The following SHROOM3 variants were observed in gnomAD, a reference collection of about 807,000 sequenced individuals.
SHROOM3 encodes protein Shroom3.
Under a neutral mutation model 138.6 loss-of-function variants are expected in SHROOM3, and 47 were observed. The observed-to-expected ratio is 0.34, with a 90% CI of 0.27 to 0.43. The LOEUF (loss-of-function observed/expected upper bound fraction) is 0.43, where lower values mean the gene tolerates loss of function less well. Ranked by LOEUF, SHROOM3 falls within the 20% of genes least tolerant of loss-of-function variation. The pLI is 1.00. For missense variants in SHROOM3, 2,491 were observed against 2,596.5 expected, an observed-to-expected ratio of 0.96 and a Z score of 0.88; for synonymous variants, 1,062 against 1,063.3, an observed-to-expected ratio of 1.00 and a Z score of 0.02.
chr4:76,567,565 G>A (rs539096955), intron 2 of SHROOM3, among the ~76,000 whole-genome samples: 1 of 152,290 alleles, frequency 6.6e-6, no homozygotes, highest in East Asian at 1.9e-4. Flanking sequence ...CAGGAGAATG[G>A]CGTGAACCCG....
intron 3 of SHROOM3, among the ~76,000 whole-genome samples, chr4:76,730,453 C>T (rs1720839110): frequency 6.6e-6 from 1 of 152,066 alleles, no homozygotes; most frequent in Non-Finnish European, 1.5e-5. Flanking sequence ...AGATAGAGAC[C>T]AAGAAAGACC....
intron 2 of SHROOM3, among the ~76,000 whole-genome samples, chr4:76,642,042 G>T (rs1348635843): frequency 6.6e-6 from 1 of 152,096 alleles, no homozygotes; most frequent in African/African-American, 2.4e-5. Context: ...CAGGAAAGAT[G>T]AGACACACAC....
At chr4:76,633,431 C>T (rs540669085) in intron 2 of SHROOM3, among the ~76,000 whole-genome samples, 15 of 151,252 alleles carry the variant, frequency 9.9e-5, no homozygotes, top group African/African-American at 1.9e-4. Flanking sequence ...CCAAGGCAGG[C>T]GGATCACGAG....
At chr4:76,609,063 C>A (rs539976695) in intron 2 of SHROOM3, among the ~76,000 whole-genome samples, 1 of 152,216 alleles carries the variant, frequency 6.6e-6, no homozygotes, top group South Asian at 2.1e-4. Flanking sequence ...GTGTTAATAT[C>A]CAGAATATTT....
chr4:76,507,834 A>G (rs1445989737), intron 1 of SHROOM3, among the ~76,000 whole-genome samples: 2 of 152,144 alleles, frequency 1.3e-5, no homozygotes, highest in African/African-American at 4.8e-5. Context: ...GTGAGCCACC[A>G]TGCCTGGCCG....
intron 1 of SHROOM3, among the ~76,000 whole-genome samples, chr4:76,523,573 T>C (rs1333975560): frequency 6.6e-6 from 1 of 152,112 alleles, no homozygotes; most frequent in African/African-American, 2.4e-5. Flanking sequence ...AAATTAAAAT[T>C]TGGGGAAAAT....
At chr4:76,614,935 T>C (rs1734841515) in intron 2 of SHROOM3, among the ~76,000 whole-genome samples, 1 of 152,204 alleles carries the variant, frequency 6.6e-6, no homozygotes, top group Non-Finnish European at 1.5e-5. Context: ...GATGGTTTTC[T>C]ACAATAGGCC....
chr4:76,528,410 TG>T (rs1732748400), intron 1 of SHROOM3, among the ~76,000 whole-genome samples: 1 of 150,832 alleles, frequency 6.6e-6, no homozygotes, highest in Non-Finnish European at 1.5e-5. Flanking sequence ...CTTGAACTCT[TG>T]GGCTCAAGCA....
At chr4:76,713,576 G>A (rs957778855) in intron 3 of SHROOM3, among the ~76,000 whole-genome samples, 2 of 152,046 alleles carry the variant, frequency 1.3e-5, no homozygotes, top group Non-Finnish European at 2.9e-5. Flanking sequence ...TTTAATAAGT[G>A]GGAATACAGA....
chr4:76,445,431 G>C (rs555500736), intron 1 of SHROOM3, among the ~76,000 whole-genome samples: 3 of 152,308 alleles, frequency 2.0e-5, no homozygotes, highest in East Asian at 3.9e-4. Flanking sequence ...GTGTCTGTGA[G>C]GTAGAGGTAT....
intron 2 of SHROOM3, among the ~76,000 whole-genome samples, chr4:76,606,580 G>A (rs909480592): frequency 3.9e-5 from 6 of 152,000 alleles, no homozygotes; most frequent in Non-Finnish European, 8.8e-5. Context: ...GCAGGTGCCT[G>A]TAATCTCAGC....
At chr4:76,774,929 T>G (rs1432541543) in intron 10 of SHROOM3, among the ~76,000 whole-genome samples, 1 of 152,116 alleles carries the variant, frequency 6.6e-6, no homozygotes, top group Non-Finnish European at 1.5e-5. Flanking sequence ...TATTTCTTGA[T>G]TGATTTTCAT....
chr4:76,474,134 G>A (rs900538074), intron 1 of SHROOM3, among the ~76,000 whole-genome samples: 1 of 152,186 alleles, frequency 6.6e-6, no homozygotes. Flanking sequence ...ACTGATTCAT[G>A]CTACAGCACA....
At position 76,741,110 on chromosome 4, in the gene SHROOM3, G is replaced by A. The variant is rs1721237306; in HGVS notation, c.2937G>A (p.Pro979=). The A allele has an allele frequency of 1.3e-6, 2 of 1,548,736 alleles. No homozygotes were observed. Among genetic ancestry groups the A allele is most frequent in the African/African-American group, 1.4e-5 (1 of 72,972 alleles). ...CCGAGGCGTCGGCCTCCGCCTCCCC[G>A]CACACGCCCCGGGAGCGGCACAGCG... The part of the protein sequence containing the change: ...RSPEASASAS[P]HTPRERHSVT... The change falls in exon 5 of 11, where the codon CCG becomes CCA. Residue 979 remains proline, a synonymous_variant. Transcript: ENST00000296043. This position sits in a 1 kb window ranked among gnomAD's most constrained non-coding sequence, Gnocchi z 6.2.
intron 1 of SHROOM3, 100 bp from the exon 2 acceptor site, chr4:76,555,509 T>C (rs1006402955): frequency 2.0e-5 from 32 of 1,563,274 alleles, no homozygotes; most frequent in Admixed American, 7.0e-5. Context: ...AGCTGGTCCG[T>C]TGGGCTCTGC....
chr4:76,741,114 A>G lies in SHROOM3; in HGVS notation c.2941A>G (p.Thr981Ala). Reference sequence around the variant, plus strand: ...GGCGTCGGCCTCCGCCTCCCCGCACACGCCCCGGGAGCGGCACAGCGTGAC... The same window carrying G: ...GGCGTCGGCCTCCGCCTCCCCGCACGCGCCCCGGGAGCGGCACAGCGTGAC... ...PEASASASPHTPRERHSVTPA... is the reference protein window; with the variant it reads ...PEASASASPHAPRERHSVTPA... Residue 981 changes from threonine to alanine, a missense_variant, in exon 5 of 11, where the codon ACG (threonine) becomes GCG (alanine). Around this residue, in one of 4 missense-constraint regions of SHROOM3, gnomAD observed 1,733 missense variants for 1,661.6 expected, o/e 1.04. Coordinates refer to ENST00000296043, the MANE Select transcript of SHROOM3 (RefSeq NM_020859.4). This position sits in a 1 kb window ranked among gnomAD's most constrained non-coding sequence, Gnocchi z 6.2. 1 of 1,550,082 alleles carries G rather than the reference A, an allele frequency of 6.5e-7. No individual in the cohort carries two copies. The highest frequency in any genetic ancestry group is 8.7e-7 in the Non-Finnish European group (1 of 1,147,616).
chr4:76,585,816 C>G (rs989594566), intron 2 of SHROOM3, among the ~76,000 whole-genome samples: 10 of 152,102 alleles, frequency 6.6e-5, no homozygotes, highest in African/African-American at 2.4e-4. Flanking sequence ...CTCCCAGTGT[C>G]TGGAAGAAAC....
In SHROOM3 at chr4:76,453,839, T is replaced by C. The variant is rs72864628; in HGVS notation, c.168+17619T>C. On this transcript the variant is annotated intron_variant, in intron 1 of 10. Coordinates refer to ENST00000296043, the MANE Select transcript of SHROOM3 (RefSeq NM_020859.4). ...CCCATTCTGTGGACTGCCTTTTTAC[T>C]CTGCGGATAGTGTCTTTTGATGCAT... is the stretch of plus-strand genomic sequence containing the variant. Among the ~76,000 whole-genome samples the C allele has an allele frequency of 5.8e-3, 886 of 152,356 alleles. 16 individuals are homozygous for C. Among genetic ancestry groups the C allele is most frequent in the African/African-American group, 0.02 (825 of 41,582 alleles).
In SHROOM3 at chr4:76,739,178, C is replaced by G. The variant is rs1408534333; in HGVS notation, c.1005C>G (p.Ala335=). 4.3e-6 allele frequency: 7 copies of G among 1,614,096 alleles called. No individual in the cohort carries two copies. The African/African-American group carries it at 8.0e-5, about 18-fold the overall frequency. The change falls in exon 5 of 11, where the codon GCC becomes GCG. Residue 335 remains alanine (A), a synonymous_variant. Transcript: ENST00000296043. ...SSALLLQGRE[A]RASANGQGYD... ...CCCTGCTGCTTCAAGGTAGGGAGGC[C>G]CGAGCCTCAGCAAATGGTCAGGGCT...
Sources: gnomAD v4.1 joint callset for allele counts (sites outside exome capture counted in the v4.1 genomes callset) on GRCh38, gnomAD v4.1.1 for gene constraint, gnomAD v4.1.1 regional missense constraint, Gnocchi (gnomAD v3.1) non-coding constraint, MANE v1.5 for transcripts, NCBI Gene and HGNC (gene_info 2026-07-23, HGNC 2026-07-21) for gene names.